TAF4: variants seen among roughly 807,000 people sequenced by gnomAD.
The protein encoded by TAF4 is TATA-box binding protein associated factor 4, also known as transcription initiation factor TFIID subunit 4.
A neutral mutation model predicts 90.3 loss-of-function variants in TAF4; 9 were observed. The ratio of observed to expected loss-of-function variants is 0.10; its 90% CI spans 0.06 to 0.17. The LOEUF is 0.17. Ranked by LOEUF, TAF4 falls within the 10% of genes least tolerant of loss-of-function variation. TAF4 has a pLI of 1.00. For synonymous variants in TAF4, 818 were observed against 638.9 expected, an observed-to-expected ratio of 1.28 and a Z score of -4.23; for missense variants, 1,351 against 1,370.7, an observed-to-expected ratio of 0.99 and a Z score of 0.23.
rs2055746889 is a variant in TAF4 at position 62,006,584 on chromosome 20, G to C, written c.2149C>G (p.Leu717Val). 1.3e-6 allele frequency: 2 copies of C among 1,598,016 alleles called. No homozygotes were observed. Among genetic ancestry groups the C allele is most frequent in the East Asian group, 2.3e-5 (1 of 44,172 alleles). The change falls in exon 7 of 15, where the codon CTC becomes GTC. Residue 717 changes from leucine (L) to valine (V), a missense_variant. Leu to Val is a conservative substitution (Grantham distance 32). Coordinates refer to ENST00000252996, the MANE Select transcript of TAF4 (RefSeq NM_003185.4). The surrounding 1 kb of genome is among the most constrained non-coding windows in gnomAD (Gnocchi z 7.0). ...GTGAGGCTGAGCACAGGGGGCTGGA[G>C]GGCACTGGTCACGGTGGCCGCCGTC... The part of the protein sequence containing the change: ...GKTAATVTSA[L>V]QPPVLSLTQP...
rs1245178757 is a variant in TAF4, at chr20:62,012,858, G to A, written c.1598C>T (p.Thr533Met). ...CTGCAGGGTTGCACTGGGCTGCACCGTTGTCTGGGCCTGAGACACTTGCTT... is the reference window on the plus strand; with the variant it reads ...CTGCAGGGTTGCACTGGGCTGCACCATTGTCTGGGCCTGAGACACTTGCTT... ...IIKQVSQAQTTVQPSATLQRS... is the reference protein window; with the variant it reads ...IIKQVSQAQTMVQPSATLQRS... Residue 533 changes from threonine (T) to methionine (M), a missense_variant, in exon 3 of 15, where the codon ACG becomes ATG. Coordinates refer to ENST00000252996, the MANE Select transcript of TAF4 (RefSeq NM_003185.4). 8.1e-6 allele frequency: 13 copies of A among 1,614,016 alleles called. No homozygotes were observed. The highest frequency in any genetic ancestry group is 1.3e-5 in the African/African-American group (1 of 74,936).
intron 1 of TAF4, among the ~76,000 whole-genome samples, chr20:62,062,415 T>G (rs2056094447): frequency 6.6e-6 from 1 of 152,154 alleles, no homozygotes; most frequent in African/African-American, 2.4e-5. Context: ...TTTTTTTTGC[T>G]TTGGTTATTA....
chr20:62,028,635 G>T (rs1021429396), intron 1 of TAF4, among the ~76,000 whole-genome samples: 1 of 152,134 alleles, frequency 6.6e-6, no homozygotes, highest in African/African-American at 2.4e-5. Context: ...GTGCACATGC[G>T]TGTCTGTCAA....
chr20:62,011,461 A>G (rs970665226), intron 3 of TAF4, among the ~76,000 whole-genome samples: 1 of 152,180 alleles, frequency 6.6e-6, no homozygotes, highest in Non-Finnish European at 1.5e-5. Flanking sequence ...CTTCTCAAAA[A>G]AGTCACTGTA....
At chr20:61,990,588 G>A (rs763763427) in intron 14 of TAF4, among the ~76,000 whole-genome samples, 2 of 152,176 alleles carry the variant, frequency 1.3e-5, no homozygotes, top group African/African-American at 2.4e-5. Flanking sequence ...AGAGCAGCAG[G>A]TCCCTCCAAG....
intron 7 of TAF4, 151 bp from the exon 8 acceptor site, chr20:62,004,029 G>A: frequency 1.0e-6 from 1 of 986,594 alleles, no homozygotes; most frequent in East Asian, 2.9e-5. Context: ...CTCAGCCCCA[G>A]CAGGCTGCAG....
At chr20:62,038,220 G>C (rs968162639) in intron 1 of TAF4, among the ~76,000 whole-genome samples, 2 of 151,924 alleles carry the variant, frequency 1.3e-5, no homozygotes, top group Non-Finnish European at 2.9e-5. Context: ...CTAGAGACAG[G>C]GTTTCACAGT....
intron 4 of TAF4, among the ~76,000 whole-genome samples, chr20:62,009,843 G>C (rs548539598): frequency 6.6e-6 from 1 of 152,164 alleles, no homozygotes; most frequent in African/African-American, 2.4e-5. Context: ...AGACTTCTGC[G>C]GTCTAAGGCC....
At chr20:62,057,233 C>G (rs539545791) in intron 1 of TAF4, among the ~76,000 whole-genome samples, 1 of 152,356 alleles carries the variant, frequency 6.6e-6, no homozygotes, top group South Asian at 2.1e-4. Context: ...CCCACAAAGC[C>G]TCTGCCCCAG....
At chr20:61,997,438 G>A (rs2055669954) in intron 14 of TAF4, 112 bp downstream of exon 14, 2 of 1,280,218 alleles carry the variant, frequency 1.6e-6, no homozygotes, top group Non-Finnish European at 1.0e-6. Flanking sequence ...GAGACAAAAT[G>A]TAAATGGTAA....
rs199533552 is a variant in TAF4, at chr20:61,996,385, A to AAAAAATT, written c.3090+1158_3090+1164dup. Among the ~76,000 whole-genome samples, 1,361 of 152,262 alleles carry AAAAAATT rather than the reference A, an allele frequency of 8.9e-3. 67 individuals are homozygous for AAAAAATT. Among genetic ancestry groups the AAAAAATT allele is most frequent in the Admixed American group, 0.066 (1,001 of 15,276 alleles). On this transcript the variant is annotated intron_variant, in intron 14 of 14. Coordinates refer to ENST00000252996, the MANE Select transcript of TAF4 (RefSeq NM_003185.4). ...GTGACACAGTGAGACCCTGCGTCTA[A>AAAAAATT]AAAAATTAAAAATTAAAAATTACAG...
At chr20:62,033,838 C>T (rs969873899) in intron 1 of TAF4, among the ~76,000 whole-genome samples, 1 of 151,794 alleles carries the variant, frequency 6.6e-6, no homozygotes, top group Admixed American at 6.6e-5. Flanking sequence ...GTCAGGAGAT[C>T]GAGACCATCC....
At chr20:62,064,050 G>C (rs1399595590) in intron 1 of TAF4, among the ~76,000 whole-genome samples, 1 of 152,186 alleles carries the variant, frequency 6.6e-6, no homozygotes, top group Non-Finnish European at 1.5e-5. Flanking sequence ...ACAGCCCCAG[G>C]TACTGCCCTC....
intron 14 of TAF4, among the ~76,000 whole-genome samples, chr20:61,994,059 C>T (rs2055648132): frequency 6.6e-6 from 1 of 150,518 alleles, no homozygotes; most frequent in Non-Finnish European, 1.5e-5. Flanking sequence ...TGATGGGCTA[C>T]AAAATCTATG....
At chr20:62,042,832 G>A (rs2055971733) in intron 1 of TAF4, among the ~76,000 whole-genome samples, 1 of 152,202 alleles carries the variant, frequency 6.6e-6, no homozygotes, top group African/African-American at 2.4e-5. Context: ...CCTTCAGGAA[G>A]AGTCCAGAAG....
chr20:62,050,035 C>G (rs1197921125), intron 1 of TAF4, among the ~76,000 whole-genome samples: 1 of 152,148 alleles, frequency 6.6e-6, no homozygotes, highest in Non-Finnish European at 1.5e-5. Flanking sequence ...CCATCTTCAC[C>G]CAACGCCTAC....
At chr20:62,038,435 A>G (rs1041598588) in intron 1 of TAF4, among the ~76,000 whole-genome samples, 2 of 152,108 alleles carry the variant, frequency 1.3e-5, no homozygotes, top group Non-Finnish European at 2.9e-5. Context: ...TGCTAGGATT[A>G]CAGGTATGAG....
chr20:62,036,087 A>AAT (rs2055931211), intron 1 of TAF4, among the ~76,000 whole-genome samples: 1 of 151,448 alleles, frequency 6.6e-6, no homozygotes, highest in Non-Finnish European at 1.5e-5. Context: ...GCAGTGGCGC[A>AAT]ATCTCAGCTC....
At chr20:61,992,176 GTCA>G (rs2055635749) in intron 14 of TAF4, among the ~76,000 whole-genome samples, 1 of 152,152 alleles carries the variant, frequency 6.6e-6, no homozygotes, top group African/African-American at 2.4e-5. Flanking sequence ...CATTAAACAT[GTCA>G]TTATTTATGG....
Sources: gnomAD v4.1 joint callset for allele counts (sites outside exome capture counted in the v4.1 genomes callset) on GRCh38, gnomAD v4.1.1 for gene constraint, Gnocchi (gnomAD v3.1) non-coding constraint, MANE v1.5 for transcripts, NCBI Gene and HGNC (gene_info 2026-07-23, HGNC 2026-07-21) for gene names.